SMARCA2: variants seen among roughly 807,000 people sequenced by gnomAD.
The protein encoded by SMARCA2 is SWI/SNF-related matrix-associated actin-dependent regulator of chromatin subfamily A member 2.
Under a neutral mutation model 199.8 loss-of-function variants are expected in SMARCA2, and 61 were observed. The ratio of observed to expected loss-of-function variants is 0.31; its 90% CI spans 0.25 to 0.38. The LOEUF is 0.38. Ranked by LOEUF, SMARCA2 falls within the 10% of genes least tolerant of loss-of-function variation. The pLI is 1.00. For missense variants in SMARCA2, 1,344 were observed against 2,012.2 expected (o/e 0.67, Z 6.35); for synonymous variants, 935 against 732.0 (o/e 1.28, Z -4.48).
intron 29 of SMARCA2, among the ~76,000 whole-genome samples, chr9:2,180,198 A>G (rs1586803067): frequency 6.6e-6 from 1 of 152,038 alleles, no homozygotes; most frequent in Non-Finnish European, 1.5e-5. Flanking sequence ...TCTTGCGTTC[A>G]CCCCTGATTT....
intron 5 of SMARCA2, among the ~76,000 whole-genome samples, chr9:2,052,188 C>T (rs776347382): frequency 2.0e-5 from 3 of 152,208 alleles, no homozygotes; most frequent in Non-Finnish European, 4.4e-5. Flanking sequence ...TAGTTAATAG[C>T]ACGGGCCAGG....
At chr9:2,105,742 A>T (rs1282650459) in intron 23 of SMARCA2, among the ~76,000 whole-genome samples, 4 of 152,188 alleles carry the variant, frequency 2.6e-5, no homozygotes, top group Non-Finnish European at 5.9e-5. Flanking sequence ...CTTTCAAAAG[A>T]CAAACTGTCC....
intron 32 of SMARCA2, among the ~76,000 whole-genome samples, chr9:2,187,218 TTTTTAAAATA>T (rs1382109617): frequency 1.5e-5 from 2 of 136,850 alleles, no homozygotes; most frequent in African/African-American, 5.1e-5. Flanking sequence ...TTAATTTGGG[TTTTTAAAATA>T]TTTACCTTTT....
chr9:2,039,397 T>G lies in SMARCA2; in HGVS notation c.356-69T>G, dbSNP rs1457908093. Reference sequence around the variant, plus strand: ...GTGTTGCTGTGGACAATTATTAGAGTATTCAGGGATATCTCTCTTTCAGGG... The same window carrying G: ...GTGTTGCTGTGGACAATTATTAGAGGATTCAGGGATATCTCTCTTTCAGGG... On this transcript the variant is annotated intron_variant, in intron 3 of 33. Coordinates refer to ENST00000349721, the MANE Select transcript of SMARCA2 (RefSeq NM_003070.5). The surrounding 1 kb of genome is among the most constrained non-coding windows in gnomAD (Gnocchi z 4.8). 7.1e-7 allele frequency: 1 copy of G among 1,403,722 alleles called. No homozygotes were observed. Among genetic ancestry groups the G allele is most frequent in the Admixed American group, 2.1e-5 (1 of 48,234 alleles). The allele number at this position is 1,403,722 out of a possible 1,614,324, so 87.0% of individuals were successfully genotyped here.
intron 29 of SMARCA2, among the ~76,000 whole-genome samples, chr9:2,178,136 T>C (rs73641010): frequency 0.018 from 2,711 of 152,286 alleles, 80 homozygotes; most frequent in African/African-American, 0.062. Flanking sequence ...TGTGGCTCTT[T>C]TCCATCTCGT....
intron 28 of SMARCA2, among the ~76,000 whole-genome samples, chr9:2,163,141 C>T (rs927555698): frequency 1.1e-4 from 17 of 152,158 alleles, no homozygotes; most frequent in African/African-American, 4.1e-4. Context: ...TGGGGTTTTG[C>T]TGTTAAGCCT....
At chr9:2,114,934 TTA>T (rs1823154170) in intron 24 of SMARCA2, among the ~76,000 whole-genome samples, 1 of 152,186 alleles carries the variant, frequency 6.6e-6, no homozygotes, top group Non-Finnish European at 1.5e-5. Context: ...TTGTTTTCAC[TTA>T]TGTCATTAAA....
At chr9:2,143,859 A>G (rs1824584188) in intron 27 of SMARCA2, among the ~76,000 whole-genome samples, 1 of 152,220 alleles carries the variant, frequency 6.6e-6, no homozygotes, top group Admixed American at 6.5e-5. Flanking sequence ...TTTTGAAGCC[A>G]TATGCATTGA....
Position 2,115,874 on chromosome 9 carries a change from G to A in SMARCA2, c.3509G>A (p.Arg1170Gln). 2 of 1,614,022 alleles carry A rather than the reference G, an allele frequency of 1.2e-6. No homozygotes were observed. The highest frequency in any genetic ancestry group is 1.7e-6 in the Non-Finnish European group (2 of 1,179,978). The change falls in exon 25 of 34, where the codon CGG becomes CAG. Residue 1170 changes from arginine (R) to glutamine (Q), a missense_variant. Arg to Gln is a conservative substitution (Grantham distance 43). Transcript: ENST00000349721. The surrounding 1 kb of genome is among the most constrained non-coding windows in gnomAD (Gnocchi z 6.0). ...AHRIGQQNEV[R>Q]VLRLCTVNSV... The stretch of plus-strand genomic sequence containing the variant: ...CGCATCGGGCAGCAGAACGAGGTCC[G>A]GGTACTGAGGCTCTGTACCGTGAAC...
chr9:2,048,369 C>T (rs1294509613), intron 5 of SMARCA2, among the ~76,000 whole-genome samples: 1 of 152,158 alleles, frequency 6.6e-6, no homozygotes, highest in Admixed American at 6.5e-5. Context: ...TTCTGTGACT[C>T]AGTTTCCTCC....
rs901974632 is a variant in SMARCA2 at position 2,057,801 on chromosome 9, A to G, written c.1348-490A>G. 3.4e-4 allele frequency among the ~76,000 whole-genome samples: 51 copies of G among 152,186 alleles called. 4 individuals carry two copies. The highest frequency in any genetic ancestry group is 1.5e-5 in the Non-Finnish European group (1 of 68,032). On this transcript the variant is annotated intron_variant, in intron 7 of 33. Transcript: ENST00000349721. ...TTGGATTTTAGTGTAAATAGAGTATATATTTAAAAAGTGGATACAAATTCT... is the reference window on the plus strand; with the variant it reads ...TTGGATTTTAGTGTAAATAGAGTATGTATTTAAAAAGTGGATACAAATTCT...
At chr9:2,040,168 T>C in intron 4 of SMARCA2, 2 of 679,536 alleles carry the variant, frequency 2.9e-6, no homozygotes, top group Admixed American at 6.1e-5. Context: ...GCGTTCTCTT[T>C]GAAGCGGTTC....
rs59156319 is a variant in SMARCA2 at position 2,155,720 on chromosome 9, C to CTTTTTT, written c.3982-5933_3982-5928dup. Among the ~76,000 whole-genome samples the CTTTTTT allele has an allele frequency of 1.1e-3, 61 of 53,192 alleles. 9 individuals carry two copies. Among genetic ancestry groups the CTTTTTT allele is most frequent in the South Asian group, 4.3e-3 (4 of 938 alleles). The allele number at this position is 53,192 out of a possible 152,430, so 34.9% of individuals were successfully genotyped here. A position where few individuals can be genotyped will look rare whatever the true frequency, so the allele number is the denominator to read the frequency against. ...TATGGCATATGGGGAAAGAGAAAAC[C>CTTTTTT]TTTTTTTTTTTTTTTTTTTTTTTTT... On this transcript the variant is annotated intron_variant, in intron 27 of 33. Transcript: ENST00000349721.
At position 2,192,968 on chromosome 9, in the gene SMARCA2, A is replaced by G. The variant is rs866873892; in HGVS notation, c.*229A>G. On this transcript the variant is annotated 3_prime_UTR_variant, in exon 34 of 34. Transcript: ENST00000349721. ...GACCAAATGGGCCTCAAAGATTCAG[A>G]TTGAAACAAACAAAAAGCTTTTGAT... 4 of 493,812 alleles carry G rather than the reference A, an allele frequency of 8.1e-6. No homozygotes were observed. The highest frequency in any genetic ancestry group is 5.2e-4 in the Middle Eastern group (1 of 1,928). 30.6% of individuals were successfully genotyped at this position (493,812 alleles called of 1,614,324 possible).
intron 27 of SMARCA2, among the ~76,000 whole-genome samples, chr9:2,143,870 G>C (rs1177063648): frequency 6.6e-6 from 1 of 152,204 alleles, no homozygotes; most frequent in Admixed American, 6.5e-5. Flanking sequence ...TATGCATTGA[G>C]GTTGTAGGGG....
chr9:2,190,582 T>C (rs924728263), intron 32 of SMARCA2, among the ~76,000 whole-genome samples: 1 of 152,216 alleles, frequency 6.6e-6, no homozygotes, highest in African/African-American at 2.4e-5. Flanking sequence ...ATATACTTAC[T>C]TGAATTCTTT....
chr9:2,045,359 T>C (rs1050291787), intron 4 of SMARCA2: 1 of 152,190 alleles, frequency 6.6e-6, no homozygotes, highest in Non-Finnish European at 1.5e-5. Flanking sequence ...TTAAAATGAA[T>C]GTTAGAAATC....
intron 3 of SMARCA2, among the ~76,000 whole-genome samples, chr9:2,034,851 A>C (rs1819252251): frequency 6.6e-6 from 1 of 152,128 alleles, no homozygotes; most frequent in Admixed American, 6.5e-5. Flanking sequence ...TAGAATCTTG[A>C]CCATGTCAGA....
chr9:2,120,495 C>A (rs1159739855), intron 26 of SMARCA2, among the ~76,000 whole-genome samples: 3 of 152,186 alleles, frequency 2.0e-5, no homozygotes, highest in Non-Finnish European at 2.9e-5. Flanking sequence ...CTAAATCCAA[C>A]TTTTTAAGTT....
Sources: allele counts gnomAD v4.1 joint callset (sites outside exome capture counted in the v4.1 genomes callset), GRCh38; gene constraint gnomAD v4.1.1; non-coding constraint Gnocchi (gnomAD v3.1); transcripts MANE v1.5; gene names NCBI Gene and HGNC (gene_info 2026-07-23, HGNC 2026-07-21).